Variants in BACH2 observed in about 807,000 individuals in gnomAD.
BACH2 encodes BACH transcriptional regulator 2.
BACH2 carries 5 observed loss-of-function variants against 61.8 expected under a neutral mutation model. That is an observed-to-expected ratio of 0.08 (90% CI 0.04 to 0.17). The LOEUF is 0.17. BACH2 is among the 10% of genes least tolerant of loss of function. BACH2 has a pLI of 1.00. For synonymous variants in BACH2, 446 were observed against 440.1 expected (o/e 1.01, Z -0.17); for missense variants, 824 against 1,091.1 (o/e 0.76, Z 3.45).
At chr6:90,185,089 A>C (rs1768307894) in intron 4 of BACH2, among the ~76,000 whole-genome samples, 1 of 152,194 alleles carries the variant, frequency 6.6e-6, no homozygotes, top group African/African-American at 2.4e-5. Flanking sequence ...GCGTATCAGG[A>C]AGACTGCTAT....
At chr6:90,038,217 A>G (rs991766004) in intron 5 of BACH2, among the ~76,000 whole-genome samples, 2 of 152,312 alleles carry the variant, frequency 1.3e-5, no homozygotes, top group African/African-American at 4.8e-5. Flanking sequence ...TATACCAACC[A>G]TAAGGGCACA....
At chr6:90,205,724 A>C (rs1034456639) in intron 4 of BACH2, among the ~76,000 whole-genome samples, 1 of 151,988 alleles carries the variant, frequency 6.6e-6, no homozygotes, top group East Asian at 1.9e-4. Context: ...CCAGGAAATT[A>C]CCATTTCCCA....
intron 7 of BACH2, among the ~76,000 whole-genome samples, chr6:89,947,789 T>G (rs1773833042): frequency 1.3e-5 from 2 of 152,002 alleles, no homozygotes; most frequent in Admixed American, 6.6e-5. Context: ...GCCAGGATGG[T>G]CTCGATCTCC....
chr6:89,945,050 G>T (rs1284331970), intron 7 of BACH2, among the ~76,000 whole-genome samples: 1 of 152,168 alleles, frequency 6.6e-6, no homozygotes, highest in Non-Finnish European at 1.5e-5. Flanking sequence ...CAGAGAAACT[G>T]GATCCTTGAT....
At chr6:89,994,151 C>T (rs1039303267) in intron 6 of BACH2, among the ~76,000 whole-genome samples, 2 of 152,156 alleles carry the variant, frequency 1.3e-5, no homozygotes, top group African/African-American at 4.8e-5. Flanking sequence ...TTCAGTACTT[C>T]AGTATGTGTA....
At chr6:90,075,116 T>C (rs1781414550) in intron 5 of BACH2, among the ~76,000 whole-genome samples, 1 of 152,164 alleles carries the variant, frequency 6.6e-6, no homozygotes, top group South Asian at 2.1e-4. Context: ...AACAACAAAA[T>C]GTTATTTCCC....
chr6:90,275,149 C>T lies in BACH2; in HGVS notation c.-445-3208G>A, dbSNP rs543429747. On this transcript the variant is annotated intron_variant, in intron 1 of 8. Coordinates refer to ENST00000257749, the MANE Select transcript of BACH2 (RefSeq NM_021813.4). ...ATTTGAAAGGACTGCTTCAGAAATT[C>T]ATGCAAGTCACATAAGTGGAGAGAA... 5.3e-5 allele frequency among the ~76,000 whole-genome samples: 8 copies of T among 152,350 alleles called. No homozygotes were observed. The East Asian group carries it at 1.5e-3, about 29-fold the overall frequency.
intron 4 of BACH2, among the ~76,000 whole-genome samples, chr6:90,131,845 G>A (rs1451497002): frequency 6.6e-6 from 1 of 152,342 alleles, no homozygotes; most frequent in East Asian, 1.9e-4. Context: ...TGAGCAAGCT[G>A]CTTTCACTCA....
At chr6:90,128,603 C>T (rs1190961370) in intron 4 of BACH2, among the ~76,000 whole-genome samples, 1 of 152,122 alleles carries the variant, frequency 6.6e-6, no homozygotes, top group Non-Finnish European at 1.5e-5. Context: ...AAAAATTTTA[C>T]ACTGTTGGTG....
intron 4 of BACH2, among the ~76,000 whole-genome samples, chr6:90,166,912 G>C (rs929526246): frequency 5.1e-5 from 7 of 138,514 alleles, no homozygotes; most frequent in Admixed American, 1.4e-4. Flanking sequence ...GTCGTGGGGT[G>C]GGGGGAGGGG....
chr6:89,986,140 G>A (rs1172004129), intron 6 of BACH2, among the ~76,000 whole-genome samples: 1 of 152,168 alleles, frequency 6.6e-6, no homozygotes, highest in East Asian at 1.9e-4. Flanking sequence ...CTGTGGAGGG[G>A]ATGGGCTGTT....
Position 90,008,983 on chromosome 6 carries a change from A to C in BACH2, c.-12-127T>G. ...GTCCCACTGCCATGAGCATGGCAGGAAGGAGGGGAATTACCAATCAGCATA... is the reference window on the plus strand; with the variant it reads ...GTCCCACTGCCATGAGCATGGCAGGCAGGAGGGGAATTACCAATCAGCATA... On this transcript the variant is annotated intron_variant, in intron 5 of 8. Transcript: ENST00000257749. The surrounding 1 kb of genome is among the most constrained non-coding windows in gnomAD (Gnocchi z 4.1). The C allele has an allele frequency of 9.0e-7, 1 of 1,111,002 alleles. No individual in the cohort carries two copies. The highest frequency in any genetic ancestry group is 1.3e-6 in the Non-Finnish European group (1 of 796,266). 68.8% of individuals were successfully genotyped at this position (1,111,002 alleles called of 1,614,324 possible).
At chr6:90,152,459 C>T (rs938574856) in intron 4 of BACH2, among the ~76,000 whole-genome samples, 1 of 152,172 alleles carries the variant, frequency 6.6e-6, no homozygotes, top group South Asian at 2.1e-4. Flanking sequence ...AATAATCAGA[C>T]TATTTTTCAG....
chr6:90,040,132 T>A (rs1779464123), intron 5 of BACH2, among the ~76,000 whole-genome samples: 1 of 152,156 alleles, frequency 6.6e-6, no homozygotes, highest in Admixed American at 6.5e-5. Flanking sequence ...GTTTCTGGAT[T>A]TTTGTCATAC....
chr6:89,944,396 G>T (rs939999480), intron 7 of BACH2, among the ~76,000 whole-genome samples: 2 of 152,186 alleles, frequency 1.3e-5, no homozygotes, highest in Admixed American at 1.3e-4. Flanking sequence ...ATGTGCTTTG[G>T]AATTCCAGAC....
intron 3 of BACH2, 137 bp from the exon 4 acceptor site, chr6:90,206,818 A>G (rs1212330899): frequency 6.6e-6 from 1 of 152,262 alleles, no homozygotes; most frequent in Non-Finnish European, 1.5e-5. Flanking sequence ...CACTAGTCAG[A>G]TGTGGCTATT....
intron 5 of BACH2, among the ~76,000 whole-genome samples, chr6:90,067,613 C>T (rs995232427): frequency 2.0e-5 from 3 of 152,002 alleles, no homozygotes; most frequent in African/African-American, 2.4e-5. Context: ...CAGTGAAGGT[C>T]GGGAAGGAGA....
At chr6:90,027,041 C>T (rs1778671814) in intron 5 of BACH2, among the ~76,000 whole-genome samples, 1 of 152,132 alleles carries the variant, frequency 6.6e-6, no homozygotes, top group Non-Finnish European at 1.5e-5. Flanking sequence ...GGAGCCTAGG[C>T]ACACCTGAAA....
chr6:90,008,945 T>C lies in BACH2; in HGVS notation c.-12-89A>G. The C allele has an allele frequency of 6.8e-7, 1 of 1,471,694 alleles. No individual in the cohort carries two copies. The highest frequency in any genetic ancestry group is 9.1e-7 in the Non-Finnish European group (1 of 1,097,588). The allele number at this position is 1,471,694 out of a possible 1,614,324, so 91.2% of individuals were successfully genotyped here. On this transcript the variant is annotated intron_variant, in intron 5 of 8. Coordinates refer to ENST00000257749, the MANE Select transcript of BACH2 (RefSeq NM_021813.4). The surrounding 1 kb of genome is among the most constrained non-coding windows in gnomAD (Gnocchi z 4.1). Reference sequence around the variant, plus strand: ...CAGAGAGAGGAGGTGAGAAAGAACATCATGGTTCCTGTGTCCCACTGCCAT... The same window carrying C: ...CAGAGAGAGGAGGTGAGAAAGAACACCATGGTTCCTGTGTCCCACTGCCAT...
Sources: allele counts gnomAD v4.1 joint callset (sites outside exome capture counted in the v4.1 genomes callset), GRCh38; gene constraint gnomAD v4.1.1; non-coding constraint Gnocchi (gnomAD v3.1); transcripts MANE v1.5; gene names NCBI Gene and HGNC (gene_info 2026-07-23, HGNC 2026-07-21).